The following CHAC2 variants were observed in gnomAD, a reference collection of about 807,000 sequenced individuals.
CHAC2 encodes glutathione-specific gamma-glutamylcyclotransferase 2.
In CHAC2, 20 loss-of-function variants were observed where a neutral mutation model predicts 16.9. That is an observed-to-expected ratio of 1.18 (90% CI 0.83 to 1.72). CHAC2 has a LOEUF of 1.72. Ranked by LOEUF, CHAC2 falls within the 40% of genes most tolerant of loss-of-function variation. The probability of loss-of-function intolerance (pLI) is 0.00; values close to 1 mark genes in which losing one functional copy is unlikely to be tolerated. For synonymous variants in CHAC2, 91 were observed against 77.3 expected (o/e 1.18, Z -0.93); for missense variants, 269 against 222.2 (o/e 1.21, Z -1.34).
chr2:53,772,410 G>A (rs1193603592), intron 2 of CHAC2, among the ~76,000 whole-genome samples: 4 of 152,018 alleles, frequency 2.6e-5, no homozygotes, highest in Admixed American at 2.6e-4. Flanking sequence ...TCCCGACCTC[G>A]TGATCCGCCC....
intron 1 of CHAC2, among the ~76,000 whole-genome samples, chr2:53,769,381 T>C (rs1673729822): frequency 6.6e-6 from 1 of 152,264 alleles, no homozygotes; most frequent in Admixed American, 6.5e-5. Flanking sequence ...CAGGCTCCAA[T>C]TATAATGACC....
intron 2 of CHAC2, 58 bp downstream of exon 2, chr2:53,772,000 T>C: frequency 1.0e-6 from 1 of 976,400 alleles, no homozygotes; most frequent in East Asian, 2.6e-5. Flanking sequence ...TTGCGATGTT[T>C]CTGTTTCAAT....
intron 1 of CHAC2, among the ~76,000 whole-genome samples, chr2:53,769,725 A>G (rs1673759787): frequency 6.6e-6 from 1 of 152,198 alleles, no homozygotes; most frequent in African/African-American, 2.4e-5. Context: ...GCACGCCAGT[A>G]GAGTCCCAGC....
chr2:53,768,229 T>A, intron 1 of CHAC2: 1 of 567,238 alleles, frequency 1.8e-6, no homozygotes, highest in Non-Finnish European at 3.0e-6. Flanking sequence ...CTGCTTAAGA[T>A]GCCGGTGGTT....
chr2:53,771,812 A>C (rs1407061734), intron 1 of CHAC2, 95 bp from the exon 2 acceptor site: 1 of 760,132 alleles, frequency 1.3e-6, no homozygotes, highest in Non-Finnish European at 2.3e-6. Context: ...GAGCAAATAT[A>C]ATTCAAATAT....
chr2:53,767,800 G>C (rs1573000973), upstream of CHAC2: 18 of 1,506,486 alleles, frequency 1.2e-5, no homozygotes, highest in South Asian at 2.5e-5. Context: ...CCGCGCGGCC[G>C]GTTACTCGCT....
intron 1 of CHAC2, 30 bp from the exon 2 acceptor site, chr2:53,771,877 G>A: frequency 6.9e-7 from 1 of 1,453,630 alleles, no homozygotes; most frequent in Non-Finnish European, 9.5e-7. Flanking sequence ...TATTAATTCA[G>A]AAAAATTTTT....
At chr2:53,771,850 A>G in intron 1 of CHAC2, 57 bp from the exon 2 acceptor site, 1 of 922,330 alleles carries the variant, frequency 1.1e-6, no homozygotes, top group South Asian at 1.5e-5. Flanking sequence ...GCTAATGCTC[A>G]GCTACTTAAT....
At position 53,767,976 on chromosome 2, in the gene CHAC2, G is replaced by A; in HGVS notation, c.90G>A (p.Arg30=). ...TCGGATACATCACCAACTACAGCAG[G>A]CGCTTCTGGCAGGGCAGCACGGACC... is the stretch of plus-strand genomic sequence containing the variant. The part of the protein sequence containing the change: ...KLVGYITNYS[R]RFWQGSTDHR... The change falls in exon 1 of 3, where the codon AGG becomes AGA. Residue 30 remains arginine (R), a synonymous_variant. Transcript: ENST00000295304. 1.2e-6 allele frequency: 2 copies of A among 1,614,102 alleles called. No homozygotes were observed. Among genetic ancestry groups the A allele is most frequent in the Non-Finnish European group, 1.7e-6 (2 of 1,180,014 alleles).
Position 53,774,472 on chromosome 2 carries a change from G to GC in CHAC2, c.502_503insC (p.Glu168AlafsTer20). 1 of 1,588,248 alleles carries GC rather than the reference G, an allele frequency of 6.3e-7. No homozygotes were observed. The highest frequency in any genetic ancestry group is 8.5e-7 in the Non-Finnish European group (1 of 1,171,614). On this transcript the variant is annotated frameshift_variant, in exon 3 of 3. Coordinates refer to ENST00000295304, the MANE Select transcript of CHAC2 (RefSeq NM_001008708.4). LOFTEE classifies it high-confidence loss of function. Reference sequence around the variant, plus strand: ...AGCAGATGAGCATCTTTTCGCTTTGGAAAAATTAGTAAAGGAACGTTTAGA... The same window carrying GC: ...AGCAGATGAGCATCTTTTCGCTTTGGCAAAAATTAGTAAAGGAACGTTTAGA...
At chr2:53,769,694 A>C (rs886067148) in intron 1 of CHAC2, among the ~76,000 whole-genome samples, 1 of 152,214 alleles carries the variant, frequency 6.6e-6, no homozygotes, top group African/African-American at 2.4e-5. Context: ...TAAAAATACA[A>C]AATTAGCTGG....
At chr2:53,770,498 TAA>T (rs76201682) in intron 1 of CHAC2, among the ~76,000 whole-genome samples, 8,330 of 110,428 alleles carry the variant, frequency 0.075, 414 homozygotes, top group African/African-American at 0.16. Flanking sequence ...GAAGTTTATT[TAA>T]AAAAAAAAAA....
At position 53,774,134 on chromosome 2, in the gene CHAC2, T is replaced by C. The variant is rs1327507930; in HGVS notation, c.172-8T>C. ...TAATACCAGTGTATTCTTTTCATTT[T>C]TCAACAGGGATGTGTATGGGGTGTT... is the stretch of plus-strand genomic sequence containing the variant. On this transcript the variant is annotated splice_polypyrimidine_tract_variant and splice_region_variant and intron_variant, in intron 2 of 2. Coordinates refer to ENST00000295304, the MANE Select transcript of CHAC2 (RefSeq NM_001008708.4). The C allele has an allele frequency of 1.3e-6, 2 of 1,577,742 alleles. No homozygotes were observed. Among genetic ancestry groups the C allele is most frequent in the Non-Finnish European group, 1.7e-6 (2 of 1,167,704 alleles).
intron 2 of CHAC2, among the ~76,000 whole-genome samples, chr2:53,773,153 A>G (rs1674064504): frequency 6.6e-6 from 1 of 152,214 alleles, no homozygotes; most frequent in African/African-American, 2.4e-5. Flanking sequence ...AGATCTTCAA[A>G]TTGGTAACTT....
In CHAC2 at chr2:53,771,443, T is replaced by A. The variant is rs186316140; in HGVS notation, c.136-464T>A. 6.1e-3 allele frequency among the ~76,000 whole-genome samples: 926 copies of A among 152,084 alleles called. 4 individuals carry two copies. The highest frequency in any genetic ancestry group is 0.027 in the Middle Eastern group (8 of 294). ...TGAGAGAATTGCTTGAGCCCGAGAG[T>A]TGGAGGTTGCAGTGAGCCAAGATCG... On this transcript the variant is annotated intron_variant, in intron 1 of 2. Transcript: ENST00000295304.
chr2:53,767,946 G>A lies in CHAC2; in HGVS notation c.60G>A (p.Lys20=), dbSNP rs1242665837. ...IWKVDFPYQD[K]LVGYITNYSR... ...AGGTGGATTTCCCCTATCAGGACAA[G>A]CTGGTCGGATACATCACCAACTACA... is the stretch of plus-strand genomic sequence containing the variant. Residue 20 remains lysine (K), a synonymous_variant, in exon 1 of 3, where the codon AAG becomes AAA. Coordinates refer to ENST00000295304, the MANE Select transcript of CHAC2 (RefSeq NM_001008708.4). The A allele has an allele frequency of 1.9e-6, 3 of 1,614,162 alleles. No individual in the cohort carries two copies. Among genetic ancestry groups the A allele is most frequent in the East Asian group, 2.2e-5 (1 of 44,882 alleles).
intron 1 of CHAC2, among the ~76,000 whole-genome samples, chr2:53,770,332 A>G (rs1673811116): frequency 6.6e-6 from 1 of 152,162 alleles, no homozygotes; most frequent in Non-Finnish European, 1.5e-5. Context: ...CTAAAAGGAA[A>G]TAGCAACAAA....
At chr2:53,768,329 C>T (rs1673645204) in intron 1 of CHAC2, 1 of 272,008 alleles carries the variant, frequency 3.7e-6, no homozygotes, top group African/African-American at 2.2e-5. Flanking sequence ...TCTCTGCAAC[C>T]TCTGCCAAAA....
chr2:53,771,830 CA>C, intron 1 of CHAC2, 76 bp from the exon 2 acceptor site: 1 of 797,620 alleles, frequency 1.3e-6, no homozygotes, highest in South Asian at 1.5e-5. Context: ...TATTCCATGT[CA>C]AAAATGTTGC....
Sources: allele counts gnomAD v4.1 joint callset (sites outside exome capture counted in the v4.1 genomes callset), GRCh38; gene constraint gnomAD v4.1.1; transcripts MANE v1.5; gene names NCBI Gene and HGNC (gene_info 2026-07-23, HGNC 2026-07-21).